The following ASTN2 variants were observed in gnomAD, a reference collection of about 807,000 sequenced individuals.
The protein encoded by ASTN2 is astrotactin 2.
ASTN2 carries 54 observed loss-of-function variants against 139.8 expected under a neutral mutation model. The observed-to-expected ratio is 0.39, with a 90% CI of 0.31 to 0.48. ASTN2 has a LOEUF of 0.48. ASTN2 is among the 20% of genes least tolerant of loss of function. The probability of loss-of-function intolerance (pLI) is 0.95; values close to 1 mark genes in which losing one functional copy is unlikely to be tolerated. For synonymous variants in ASTN2, 756 were observed against 719.5 expected (o/e 1.05, Z -0.81); for missense variants, 1,565 against 1,725.1 (o/e 0.91, Z 1.64).
intron 9 of ASTN2, among the ~76,000 whole-genome samples, chr9:116,975,661 G>A (rs1319690255): frequency 1.3e-5 from 2 of 152,202 alleles, no homozygotes; most frequent in African/African-American, 4.8e-5. Flanking sequence ...AGTTCCATAA[G>A]CGACTGCTAT....
intron 16 of ASTN2, among the ~76,000 whole-genome samples, chr9:116,655,529 TC>T (rs1043236502): frequency 1.3e-5 from 2 of 152,118 alleles, no homozygotes; most frequent in African/African-American, 4.8e-5. Context: ...TCTGCCTCTC[TC>T]AATCGTGGCA....
At chr9:116,652,330 T>TA (rs1026116143) in intron 16 of ASTN2, among the ~76,000 whole-genome samples, 8 of 152,076 alleles carry the variant, frequency 5.3e-5, no homozygotes, top group African/African-American at 1.9e-4. Flanking sequence ...CATCTCAGAA[T>TA]AAATAAATGA....
At chr9:117,244,930 T>C (rs1050331917) in intron 2 of ASTN2, among the ~76,000 whole-genome samples, 2 of 152,106 alleles carry the variant, frequency 1.3e-5, no homozygotes, top group African/African-American at 4.8e-5. Context: ...GCACGATTAT[T>C]TTGACTTTTT....
At chr9:116,954,743 G>T (rs1835663658) in intron 10 of ASTN2, among the ~76,000 whole-genome samples, 1 of 152,052 alleles carries the variant, frequency 6.6e-6, no homozygotes, top group Admixed American at 6.6e-5. Context: ...AGATCATTTA[G>T]CTTCCATCAG....
chr9:116,660,664 C>A (rs370391100), intron 16 of ASTN2, among the ~76,000 whole-genome samples: 1 of 152,154 alleles, frequency 6.6e-6, no homozygotes, highest in South Asian at 2.1e-4. Flanking sequence ...CCCTTGAAAC[C>A]TGCCTGATGC....
chr9:116,964,318 C>T (rs1835956011), intron 10 of ASTN2, among the ~76,000 whole-genome samples: 1 of 151,472 alleles, frequency 6.6e-6, no homozygotes. Flanking sequence ...GAGTAAGATA[C>T]GCTAAGGGAA....
chr9:116,616,335 T>C (rs994888733), intron 19 of ASTN2, among the ~76,000 whole-genome samples: 3 of 151,998 alleles, frequency 2.0e-5, no homozygotes, highest in East Asian at 1.9e-4. Flanking sequence ...AAATAAACAG[T>C]AGAGAGAATG....
intron 4 of ASTN2, among the ~76,000 whole-genome samples, chr9:117,125,057 A>C (rs1829653404): frequency 6.6e-6 from 1 of 152,266 alleles, no homozygotes; most frequent in South Asian, 2.1e-4. Context: ...ATCAAATGGC[A>C]CATGAATATT....
chr9:116,535,428 T>G (rs11506778), intron 19 of ASTN2, among the ~76,000 whole-genome samples: 50,313 of 152,122 alleles, frequency 0.33, 9,611 homozygotes, highest in Admixed American at 0.45. Context: ...TTATTTTGTT[T>G]GTTAGTTGAT....
intron 19 of ASTN2, among the ~76,000 whole-genome samples, chr9:116,501,197 C>G (rs995281966): frequency 3.3e-5 from 5 of 152,290 alleles, no homozygotes; most frequent in Non-Finnish European, 4.4e-5. Flanking sequence ...TCTGGGAACC[C>G]AAAAGCACCA....
intron 6 of ASTN2, among the ~76,000 whole-genome samples, chr9:117,024,297 C>G (rs1363888438): frequency 6.6e-6 from 1 of 152,070 alleles, no homozygotes; most frequent in Non-Finnish European, 1.5e-5. Context: ...AAGAGTCTAC[C>G]TCATTGTCAA....
chr9:117,024,137 A>T (rs1186265527), intron 6 of ASTN2, among the ~76,000 whole-genome samples: 4 of 152,074 alleles, frequency 2.6e-5, no homozygotes, highest in African/African-American at 9.7e-5. Context: ...AGCCCAACTT[A>T]CCCTTTTATG....
intron 19 of ASTN2, among the ~76,000 whole-genome samples, chr9:116,567,680 A>T (rs1853303669): frequency 6.6e-6 from 1 of 152,106 alleles, no homozygotes; most frequent in South Asian, 2.1e-4. Context: ...TAAATAAGAG[A>T]CATAAAGTAG....
intron 1 of ASTN2, among the ~76,000 whole-genome samples, chr9:117,335,404 T>G (rs1477185137): frequency 6.6e-6 from 1 of 152,180 alleles, no homozygotes; most frequent in African/African-American, 2.4e-5. Flanking sequence ...AATACAAACA[T>G]CTCCATGTTA....
At chr9:117,180,201 C>G (rs147453094) in intron 3 of ASTN2, among the ~76,000 whole-genome samples, 107 of 152,324 alleles carry the variant, frequency 7.0e-4, no homozygotes, top group Non-Finnish European at 1.0e-3. Flanking sequence ...GGAAGACTAT[C>G]TGGGCATGAC....
chr9:116,709,478 G>A (rs1348904511), intron 16 of ASTN2, among the ~76,000 whole-genome samples: 1 of 152,162 alleles, frequency 6.6e-6, no homozygotes, highest in Non-Finnish European at 1.5e-5. Flanking sequence ...AGCACAACTG[G>A]CCAAACTTTA....
intron 2 of ASTN2, among the ~76,000 whole-genome samples, chr9:117,238,805 T>A (rs535874438): frequency 6.6e-6 from 1 of 152,290 alleles, no homozygotes; most frequent in South Asian, 2.1e-4. Context: ...TAAGTGTGTG[T>A]GAAGTTTCTG....
At chr9:116,978,055 C>A (rs1836403838) in intron 7 of ASTN2, among the ~76,000 whole-genome samples, 1 of 152,046 alleles carries the variant, frequency 6.6e-6, no homozygotes, top group Admixed American at 6.5e-5. Context: ...CTGCTTTTTT[C>A]TCCAAGGTTT....
chr9:116,522,009 A>C (rs1029218358), intron 19 of ASTN2, among the ~76,000 whole-genome samples: 7 of 152,294 alleles, frequency 4.6e-5, no homozygotes, highest in Admixed American at 3.3e-4. Flanking sequence ...AAAAACAAAA[A>C]GTAATAGATG....
Sources: gnomAD v4.1 joint callset for allele counts (sites outside exome capture counted in the v4.1 genomes callset) on GRCh38, gnomAD v4.1.1 for gene constraint, MANE v1.5 for transcripts, NCBI Gene and HGNC (gene_info 2026-07-23, HGNC 2026-07-21) for gene names.